Variants in RNF150 observed in about 807,000 individuals in gnomAD.
RNF150 encodes the protein ring finger protein 150.
In RNF150, 24 loss-of-function variants were observed where a neutral mutation model predicts 39.3. The observed-to-expected ratio is 0.61, with a 90% CI of 0.44 to 0.86. The LOEUF (loss-of-function observed/expected upper bound fraction) is 0.86, where lower values mean the gene tolerates loss of function less well. Ranked by LOEUF, RNF150 falls within the 40% of genes least tolerant of loss-of-function variation. The probability of loss-of-function intolerance (pLI) is 0.00; values close to 1 mark genes in which losing one functional copy is unlikely to be tolerated. For missense variants in RNF150, 502 were observed against 587.8 expected, an observed-to-expected ratio of 0.85 and a Z score of 1.51; for synonymous variants, 255 against 227.3, an observed-to-expected ratio of 1.12 and a Z score of -1.10.
chr4:141,191,396 C>T (rs564375919), intron 1 of RNF150, among the ~76,000 whole-genome samples: 1 of 152,324 alleles, frequency 6.6e-6, no homozygotes, highest in Non-Finnish European at 1.5e-5. Context: ...AATGTCAGAA[C>T]CTCTGGTTCT....
chr4:141,126,219 C>T (rs1726751814), intron 1 of RNF150, among the ~76,000 whole-genome samples: 1 of 152,066 alleles, frequency 6.6e-6, no homozygotes, highest in Non-Finnish European at 1.5e-5. Context: ...GAAGTGGGAA[C>T]TGAGGCTCTT....
rs1307036450 is a variant in RNF150, at chr4:140,962,790, C to T, written c.735+4833G>A. 2.0e-5 allele frequency among the ~76,000 whole-genome samples: 3 copies of T among 151,938 alleles called. No individual in the cohort carries two copies. In the South Asian group the frequency reaches 6.2e-4, roughly 31 times the overall value. On this transcript the variant is annotated intron_variant, in intron 2 of 6. Transcript: ENST00000515673. ...TCACTGTGACCGTAAGAGAAAGGTA[C>T]ATTCCATTTAGTTTAGAAAAACAAT...
At chr4:141,137,373 C>T (rs1271315019), upstream of RNF150, among the ~76,000 whole-genome samples, 1 of 152,168 alleles carries the variant, frequency 6.6e-6, no homozygotes, top group African/African-American at 2.4e-5. Context: ...GGATAATGAC[C>T]TGTGTCAGGA....
At chr4:141,030,198 A>T (rs1160179796) in intron 1 of RNF150, among the ~76,000 whole-genome samples, 1 of 152,132 alleles carries the variant, frequency 6.6e-6, no homozygotes, top group African/African-American at 2.4e-5. Flanking sequence ...CGTCTAAAAA[A>T]AAAAAAGCTC....
At chr4:141,157,742 G>A (rs532669331) in intron 1 of RNF150, among the ~76,000 whole-genome samples, 21 of 152,206 alleles carry the variant, frequency 1.4e-4, no homozygotes, top group South Asian at 1.2e-3. Flanking sequence ...TATTTGCAAC[G>A]TGCATTATAG....
At chr4:141,051,215 C>T (rs1736765245) in intron 1 of RNF150, among the ~76,000 whole-genome samples, 1 of 152,030 alleles carries the variant, frequency 6.6e-6, no homozygotes, top group African/African-American at 2.4e-5. Flanking sequence ...CAGCATGGCC[C>T]ATGAAAACAT....
intron 1 of RNF150, among the ~76,000 whole-genome samples, chr4:141,026,851 T>G (rs1009840355): frequency 6.6e-6 from 1 of 152,178 alleles, no homozygotes; most frequent in African/African-American, 2.4e-5. Context: ...ACCAGAGGCT[T>G]GTCTTTTAGG....
intron 6 of RNF150, among the ~76,000 whole-genome samples, chr4:140,883,518 T>G (rs1224799555): frequency 2.0e-5 from 3 of 152,082 alleles, no homozygotes; most frequent in Non-Finnish European, 4.4e-5. Flanking sequence ...TATTTCCCCT[T>G]CAGTTTTGAG....
At chr4:140,945,028 G>T (rs895001543) in intron 4 of RNF150, among the ~76,000 whole-genome samples, 2 of 152,194 alleles carry the variant, frequency 1.3e-5, no homozygotes, top group African/African-American at 4.8e-5. Context: ...ACAGATATGT[G>T]TGACTAGAAT....
At chr4:140,935,045 A>AC (rs56209918) in intron 4 of RNF150, among the ~76,000 whole-genome samples, 6 of 43,938 alleles carry the variant, frequency 1.4e-4, no homozygotes, top group Non-Finnish European at 3.0e-4. Flanking sequence ...ATATATATAT[A>AC]AATATATATA....
chr4:140,997,612 G>A (rs1425381038), intron 1 of RNF150, among the ~76,000 whole-genome samples: 2 of 150,986 alleles, frequency 1.3e-5, no homozygotes, highest in African/African-American at 4.8e-5. Flanking sequence ...CTACTCAGGA[G>A]GCTAAGGCAG....
chr4:140,942,417 C>A (rs867093779), intron 4 of RNF150, among the ~76,000 whole-genome samples: 20 of 152,162 alleles, frequency 1.3e-4, no homozygotes, highest in African/African-American at 4.8e-4. Flanking sequence ...AGCAGTGCAA[C>A]GCTTTTCCAC....
At chr4:141,135,599 T>C (rs1464575226), upstream of RNF150, among the ~76,000 whole-genome samples, 1 of 152,140 alleles carries the variant, frequency 6.6e-6, no homozygotes, top group Non-Finnish European at 1.5e-5. Context: ...AGTAAATAAA[T>C]AGGGAGGAAC....
Position 140,990,130 on chromosome 4 carries a change from C to T in RNF150, c.485-22257G>A, listed in dbSNP as rs931946760. On this transcript the variant is annotated intron_variant, in intron 1 of 6. Transcript: ENST00000515673. ...ATAGTCACTGGCTTACACATGCCCA[C>T]AGACTGCATTCTGCAACACCCAGGA... is the stretch of plus-strand genomic sequence containing the variant. Among the ~76,000 whole-genome samples, 6 of 152,328 alleles carry T rather than the reference C, an allele frequency of 3.9e-5. No homozygotes were observed. The East Asian group carries it at 1.2e-3, about 29-fold the overall frequency.
intron 1 of RNF150, among the ~76,000 whole-genome samples, chr4:141,076,478 C>T (rs1355740436): frequency 2.6e-5 from 4 of 151,886 alleles, no homozygotes; most frequent in Non-Finnish European, 4.4e-5. Context: ...CCACTGTGGG[C>T]CTGGCTCCCC....
chr4:140,910,182 T>C (rs978334431), intron 6 of RNF150, among the ~76,000 whole-genome samples: 3 of 152,312 alleles, frequency 2.0e-5, no homozygotes, highest in African/African-American at 4.8e-5. Context: ...ATCACAAATA[T>C]GTAAAAGAAA....
intron 2 of RNF150, among the ~76,000 whole-genome samples, chr4:140,950,261 A>T (rs111805823): frequency 1.0e-3 from 156 of 152,360 alleles, no homozygotes; most frequent in African/African-American, 3.6e-3. Context: ...AAGAGAGTTA[A>T]CATTTAAACA....
intron 6 of RNF150, among the ~76,000 whole-genome samples, chr4:140,901,009 T>A (rs996690340): frequency 6.6e-6 from 1 of 152,076 alleles, no homozygotes; most frequent in Non-Finnish European, 1.5e-5. Context: ...AGTCATGCAG[T>A]TTTCTCAAAC....
intron 1 of RNF150, among the ~76,000 whole-genome samples, chr4:141,184,570 C>T (rs1727968299): frequency 6.6e-6 from 1 of 152,140 alleles, no homozygotes; most frequent in Non-Finnish European, 1.5e-5. Context: ...GTCATGAAGT[C>T]TTTGCCCATG....
Sources: gnomAD v4.1 joint callset for allele counts (sites outside exome capture counted in the v4.1 genomes callset) on GRCh38, gnomAD v4.1.1 for gene constraint, MANE v1.5 for transcripts, NCBI Gene and HGNC (gene_info 2026-07-23, HGNC 2026-07-21) for gene names.